PPP3CA: variants seen among roughly 807,000 people sequenced by gnomAD.
PPP3CA encodes CAM-PRP catalytic subunit.
In PPP3CA, 14 loss-of-function variants were observed where a neutral mutation model predicts 66.5. That is an observed-to-expected ratio of 0.21 (90% confidence interval 0.14 to 0.33). The LOEUF (loss-of-function observed/expected upper bound fraction) is 0.33. PPP3CA is among the 10% of genes least tolerant of loss of function. The pLI, the probability that PPP3CA is intolerant of heterozygous loss-of-function variation, is 1.00. For missense variants in PPP3CA, 317 were observed against 639.5 expected, an observed-to-expected ratio of 0.50 and a Z score of 5.44; for synonymous variants, 232 against 226.2, an observed-to-expected ratio of 1.03 and a Z score of -0.23.
chr4:101,234,311 T>G (rs1439733226), intron 1 of PPP3CA, among the ~76,000 whole-genome samples: 1 of 151,848 alleles, frequency 6.6e-6, no homozygotes, highest in Non-Finnish European at 1.5e-5. Context: ...ACTGCCTCAC[T>G]GCTTTTCACA....
chr4:101,345,311 G>C (rs1291150009), intron 1 of PPP3CA, among the ~76,000 whole-genome samples: 2 of 152,148 alleles, frequency 1.3e-5, no homozygotes, highest in African/African-American at 4.8e-5. Flanking sequence ...AACCTCTAAG[G>C]AGAAAGAATC....
chr4:101,247,746 G>A (rs1056214256), intron 1 of PPP3CA, among the ~76,000 whole-genome samples: 4 of 152,130 alleles, frequency 2.6e-5, no homozygotes, highest in Admixed American at 1.3e-4. Flanking sequence ...GTTGCTTACA[G>A]TTGTCAGAGG....
chr4:101,307,464 T>C (rs923065012), intron 1 of PPP3CA, among the ~76,000 whole-genome samples: 4 of 152,180 alleles, frequency 2.6e-5, no homozygotes, highest in African/African-American at 9.7e-5. Flanking sequence ...GCTGACCTTA[T>C]CAGCTGAAAA....
rs115491437 is a variant in PPP3CA, at chr4:101,217,914, C to G, written c.59-21798G>C. On this transcript the variant is annotated intron_variant, in intron 1 of 13. Transcript: ENST00000394854. The stretch of plus-strand genomic sequence containing the variant: ...TCAAACTGTGGACCTTTTCTACATT[C>G]CTGCATGGGGTAGACACAGGCCAGA... 2.3e-3 allele frequency among the ~76,000 whole-genome samples: 355 copies of G among 152,190 alleles called. 4 individuals are homozygous for G. The highest frequency in any genetic ancestry group is 8.1e-3 in the African/African-American group (335 of 41,538).
intron 1 of PPP3CA, among the ~76,000 whole-genome samples, chr4:101,276,874 G>A (rs558390408): frequency 2.6e-4 from 36 of 137,330 alleles, no homozygotes; most frequent in African/African-American, 7.9e-4. Flanking sequence ...GCGTTGATAC[G>A]TTATTATTAA....
intron 2 of PPP3CA, among the ~76,000 whole-genome samples, chr4:101,183,351 T>C (rs1724302462): frequency 6.6e-6 from 1 of 152,162 alleles, no homozygotes; most frequent in Non-Finnish European, 1.5e-5. Flanking sequence ...AAGTAACACA[T>C]GCTACTTTTC....
intron 10 of PPP3CA, among the ~76,000 whole-genome samples, chr4:101,053,370 T>C (rs1728091925): frequency 6.6e-6 from 1 of 152,134 alleles, no homozygotes; most frequent in Admixed American, 6.6e-5. Context: ...TTTAAGTAGC[T>C]GTTGCCTGAA....
chr4:101,070,637 G>T (rs1317551791), intron 8 of PPP3CA, among the ~76,000 whole-genome samples: 1 of 152,162 alleles, frequency 6.6e-6, no homozygotes, highest in African/African-American at 2.4e-5. Context: ...TAATACATAT[G>T]ATTAATATGC....
intron 1 of PPP3CA, among the ~76,000 whole-genome samples, chr4:101,282,762 A>G (rs929637286): frequency 2.0e-5 from 3 of 152,024 alleles, no homozygotes; most frequent in Non-Finnish European, 4.4e-5. Context: ...GCTCCCACCC[A>G]CCTCGCACCA....
intron 2 of PPP3CA, among the ~76,000 whole-genome samples, chr4:101,159,120 G>T (rs1218531410): frequency 6.6e-6 from 1 of 152,126 alleles, no homozygotes; most frequent in East Asian, 1.9e-4. Flanking sequence ...TTAGGTAAGT[G>T]GCCAAAATTC....
At chr4:101,087,312 TTTTTA>T (rs577625199) in intron 6 of PPP3CA, among the ~76,000 whole-genome samples, 63 of 152,332 alleles carry the variant, frequency 4.1e-4, no homozygotes, top group African/African-American at 1.5e-3. Flanking sequence ...TGGCAAGCAA[TTTTTA>T]TTTAAGGCAA....
chr4:101,305,358 T>C (rs752274395), intron 1 of PPP3CA, among the ~76,000 whole-genome samples: 1 of 152,218 alleles, frequency 6.6e-6, no homozygotes, highest in Admixed American at 6.5e-5. Context: ...AAAGAAACAC[T>C]TTCCACATAA....
intron 2 of PPP3CA, among the ~76,000 whole-genome samples, chr4:101,117,932 C>A (rs1721895896): frequency 6.6e-6 from 1 of 151,750 alleles, no homozygotes; most frequent in South Asian, 2.1e-4. Flanking sequence ...TACATATAAA[C>A]TACATATAAA....
Position 101,075,197 on chromosome 4 carries a change from C to T in PPP3CA, c.955+5335G>A, listed in dbSNP as rs1578422945. On this transcript the variant is annotated intron_variant, in intron 8 of 13. Transcript: ENST00000394854. ...AGGTGAAATCTGGGTGGGGACACAG[C>T]AAAACCACATCAGATGCTTTCCATG... is the stretch of plus-strand genomic sequence containing the variant. Among the ~76,000 whole-genome samples, 3 of 152,264 alleles carry T rather than the reference C, an allele frequency of 2.0e-5. 1 individual carries two copies. In the South Asian group the frequency reaches 6.2e-4, roughly 32 times the overall value.
At chr4:101,139,600 A>G (rs1722733922) in intron 2 of PPP3CA, among the ~76,000 whole-genome samples, 2 of 151,888 alleles carry the variant, frequency 1.3e-5, no homozygotes, top group Non-Finnish European at 2.9e-5. Context: ...TGCTTTGGGT[A>G]TATGCCAGGA....
chr4:101,174,395 T>C (rs1723988693), intron 2 of PPP3CA, among the ~76,000 whole-genome samples: 1 of 152,180 alleles, frequency 6.6e-6, no homozygotes, highest in African/African-American at 2.4e-5. Flanking sequence ...TAAAGTGCAA[T>C]GACTTTAGGT....
chr4:101,347,167 C>G lies in PPP3CA; in HGVS notation c.-371G>C. ...GAGCACCCACCCCGGCACGGAGACCCAGCACCGCGGAATGGAGCCCCACGC... is the reference window on the plus strand; with the variant it reads ...GAGCACCCACCCCGGCACGGAGACCGAGCACCGCGGAATGGAGCCCCACGC... On this transcript the variant is annotated 5_prime_UTR_variant, in exon 1 of 14. Transcript: ENST00000394854. 1 of 388,636 alleles carries G rather than the reference C, an allele frequency of 2.6e-6. No homozygotes were observed. Among genetic ancestry groups the G allele is most frequent in the Non-Finnish European group, 4.7e-6 (1 of 211,590 alleles). 24.1% of individuals were successfully genotyped at this position (388,636 alleles called of 1,614,324 possible). A position where few individuals can be genotyped will look rare whatever the true frequency, so the allele number is the denominator to read the frequency against.
intron 11 of PPP3CA, among the ~76,000 whole-genome samples, chr4:101,035,126 G>A (rs1055108633): frequency 2.0e-5 from 3 of 152,034 alleles, no homozygotes; most frequent in South Asian, 2.1e-4. Context: ...AAAATTAGCC[G>A]GGTGTGATGG....
At chr4:101,166,649 T>C (rs1723702494) in intron 2 of PPP3CA, among the ~76,000 whole-genome samples, 1 of 152,196 alleles carries the variant, frequency 6.6e-6, no homozygotes, top group African/African-American at 2.4e-5. Flanking sequence ...CATATTATGT[T>C]AATTTGGATT....
Sources: gnomAD v4.1 joint callset for allele counts (sites outside exome capture counted in the v4.1 genomes callset) on GRCh38, gnomAD v4.1.1 for gene constraint, MANE v1.5 for transcripts, NCBI Gene and HGNC (gene_info 2026-07-23, HGNC 2026-07-21) for gene names.